UFD1: variants seen among roughly 807,000 people sequenced by gnomAD.
The protein encoded by UFD1 is ubiquitin recognition factor in ER-associated degradation protein 1.
A neutral mutation model predicts 45.9 loss-of-function variants in UFD1; 13 were observed. The ratio of observed to expected loss-of-function variants is 0.28; its 90% CI spans 0.18 to 0.45. The LOEUF is 0.45. UFD1 is among the 20% of genes least tolerant of loss of function. The pLI is 1.00. For synonymous variants in UFD1, 128 were observed against 139.2 expected (o/e 0.92, Z 0.56); for missense variants, 218 against 389.2 (o/e 0.56, Z 3.70).
Position 19,453,197 on chromosome 22 carries a change from C to T in UFD1, c.849+1552G>A, listed in dbSNP as rs559331891. On this transcript the variant is annotated intron_variant, in intron 11 of 11. Transcript: ENST00000263202. ...TAACAGAATTCTGTCTTTAGTCCCT[C>T]ATTTCTAGAGGTGCCTTTTGAGAAT... 2.8e-5 allele frequency: 28 copies of T among 985,358 alleles called. No homozygotes were observed. The South Asian group carries it at 1.1e-3, about 40-fold the overall frequency. 61.0% of individuals were successfully genotyped at this position (985,358 alleles called of 1,614,324 possible).
In UFD1 at chr22:19,475,597, A is replaced by G. The variant is rs2089875711; in HGVS notation, c.9T>C (p.Ser3=). The G allele has an allele frequency of 3.7e-6, 6 of 1,614,214 alleles. No individual in the cohort carries two copies. In the African/African-American group the frequency reaches 5.3e-5, roughly 14 times the overall value. Residue 3 remains serine (S), a synonymous_variant, in exon 2 of 12, where the codon TCT becomes TCC. Transcript: ENST00000263202. Reference sequence around the variant, plus strand: ...GAATAGGGTGGTCGAACATGTTGAAAGAGAACTAGAAGGAGGAAAGAGAAA... The same window carrying G: ...GAATAGGGTGGTCGAACATGTTGAAGGAGAACTAGAAGGAGGAAAGAGAAA... The part of the protein sequence containing the change: MF[S]FNMFDHPIPR...
chr22:19,468,021 C>A lies in UFD1; in HGVS notation c.292-18G>T, dbSNP rs778494331. On this transcript the variant is annotated intron_variant, in intron 4 of 11. Coordinates refer to ENST00000263202, the MANE Select transcript of UFD1 (RefSeq NM_005659.7). Reference sequence around the variant, plus strand: ...TGCATCATCTGAAAGGAAGAAGAGGCTACATGAGACTCCTAGAGATGAAGC... The same window carrying A: ...TGCATCATCTGAAAGGAAGAAGAGGATACATGAGACTCCTAGAGATGAAGC... The A allele has an allele frequency of 1.2e-5, 20 of 1,613,494 alleles. No individual in the cohort carries two copies. The highest frequency in any genetic ancestry group is 1.7e-5 in the Non-Finnish European group (20 of 1,179,668).
chr22:19,468,254 G>C (rs905489529), intron 4 of UFD1, among the ~76,000 whole-genome samples: 2 of 152,176 alleles, frequency 1.3e-5, no homozygotes, highest in Admixed American at 1.3e-4. Context: ...AGGGCTGCCC[G>C]GATTACTCAC....
chr22:19,469,602 T>C (rs1316786305), intron 4 of UFD1, among the ~76,000 whole-genome samples: 2 of 152,158 alleles, frequency 1.3e-5, no homozygotes, highest in African/African-American at 4.8e-5. Context: ...AGACGAAGCC[T>C]TGGCTACAAG....
rs765703447 is a variant in UFD1, at chr22:19,450,660, C to A, written c.*10G>T. 6 of 1,614,124 alleles carry A rather than the reference C, an allele frequency of 3.7e-6. No individual in the cohort carries two copies. The highest frequency in any genetic ancestry group is 5.1e-6 in the Non-Finnish European group (6 of 1,180,000). On this transcript the variant is annotated 3_prime_UTR_variant, in exon 12 of 12. Transcript: ENST00000263202. The stretch of plus-strand genomic sequence containing the variant: ...CTTTTATTATTTTCCAATCAGCCAA[C>A]AGTCCTCACTTAGGGCTTTCTTCCC...
chr22:19,452,932 T>G, intron 11 of UFD1: 2 of 499,356 alleles, frequency 4.0e-6, no homozygotes, highest in Non-Finnish European at 2.6e-6. Flanking sequence ...TGGAACTCAG[T>G]GAGCCCTTCA....
Position 19,479,174 on chromosome 22 carries a change from C to A in UFD1, c.-89G>T, listed in dbSNP as rs1481080675. The A allele has an allele frequency of 6.3e-7, 1 of 1,577,334 alleles. No homozygotes were observed. Among genetic ancestry groups the A allele is most frequent in the Non-Finnish European group, 8.6e-7 (1 of 1,163,218 alleles). ...GCTCTCCCAGCCGCCGCTGCCGCTG[C>A]CGCCGCGCCAAGCCGGTACGCCCCA... On this transcript the variant is annotated 5_prime_UTR_variant, in exon 1 of 12. Transcript: ENST00000263202.
Position 19,454,158 on chromosome 22 carries a change from G to A in UFD1, c.849+591C>T, listed in dbSNP as rs977115131. The A allele has an allele frequency of 1.8e-5, 18 of 985,890 alleles. No individual in the cohort carries two copies. In the Admixed American group the frequency reaches 1.8e-4, roughly 10 times the overall value. The allele number at this position is 985,890 out of a possible 1,614,324, so 61.1% of individuals were successfully genotyped here. On this transcript the variant is annotated intron_variant, in intron 11 of 11. Transcript: ENST00000263202. The stretch of plus-strand genomic sequence containing the variant: ...TTCTGTGATAACAGAGCCTGGAGTC[G>A]GCTCTAGAGCAAGACAGAGCTCCTG...
chr22:19,459,671 G>C (rs1424863594), intron 6 of UFD1, among the ~76,000 whole-genome samples: 1 of 151,014 alleles, frequency 6.6e-6, no homozygotes, highest in Non-Finnish European at 1.5e-5. Context: ...GAAATTAAAA[G>C]TGGCCCTATC....
chr22:19,478,026 T>A (rs1209047554), intron 1 of UFD1, among the ~76,000 whole-genome samples: 1 of 152,238 alleles, frequency 6.6e-6, no homozygotes, highest in Non-Finnish European at 1.5e-5. Flanking sequence ...CTTGCTTCCC[T>A]TGAGTGCTTC....
At chr22:19,454,303 G>C in intron 11 of UFD1, 1 of 1,006,576 alleles carries the variant, frequency 9.9e-7, no homozygotes. Flanking sequence ...CCCTCATGTG[G>C]TTTGGCTGCG....
intron 10 of UFD1, 74 bp downstream of exon 10, chr22:19,455,606 G>T: frequency 7.0e-7 from 1 of 1,436,308 alleles, no homozygotes; most frequent in Non-Finnish European, 9.7e-7. Context: ...CCAGAACTGG[G>T]GTGAGGCTGC....
intron 1 of UFD1, among the ~76,000 whole-genome samples, chr22:19,476,347 T>C (rs1938325950): frequency 6.6e-6 from 1 of 152,110 alleles, no homozygotes; most frequent in Admixed American, 6.5e-5. Flanking sequence ...CCAGGAAGCC[T>C]CTCTTGCTCT....
At chr22:19,471,637 T>C in intron 4 of UFD1, 50 bp downstream of exon 4, 1 of 1,598,450 alleles carries the variant, frequency 6.3e-7, no homozygotes, top group Non-Finnish European at 8.5e-7. Flanking sequence ...GTGCAGGAGA[T>C]GTCTCTGCCT....
chr22:19,478,964 G>C (rs2089920381), intron 1 of UFD1, 119 bp downstream of exon 1: 2 of 1,380,504 alleles, frequency 1.4e-6, no homozygotes, highest in Non-Finnish European at 1.9e-6. Flanking sequence ...CTGCAGGCCG[G>C]ACTCAGGCCC....
intron 1 of UFD1, among the ~76,000 whole-genome samples, chr22:19,478,261 T>C (rs1315642556): frequency 6.6e-6 from 1 of 152,138 alleles, no homozygotes; most frequent in East Asian, 1.9e-4. Context: ...AACTCAAGAA[T>C]AGAAATAAGC....
chr22:19,462,026 G>C (rs1048636110), intron 6 of UFD1, among the ~76,000 whole-genome samples: 1 of 152,028 alleles, frequency 6.6e-6, no homozygotes, highest in Admixed American at 6.6e-5. Flanking sequence ...TTGAGGCAAG[G>C]TCTTGCTTTA....
At chr22:19,457,565 C>A (rs921096491) in intron 7 of UFD1, among the ~76,000 whole-genome samples, 3 of 152,156 alleles carry the variant, frequency 2.0e-5, no homozygotes, top group Non-Finnish European at 4.4e-5. Flanking sequence ...GTAATCTCAG[C>A]ACTTTGGGAG....
At chr22:19,454,312 C>T (rs770227585) in intron 11 of UFD1, 13 of 1,005,966 alleles carry the variant, frequency 1.3e-5, no homozygotes, top group East Asian at 1.1e-4. Flanking sequence ...GGTTTGGCTG[C>T]GTCCCCACCC....
Sources: allele counts gnomAD v4.1 joint callset (sites outside exome capture counted in the v4.1 genomes callset), GRCh38; gene constraint gnomAD v4.1.1; transcripts MANE v1.5; gene names NCBI Gene and HGNC (gene_info 2026-07-23, HGNC 2026-07-21).